MAGI2: variants seen among roughly 807,000 people sequenced by gnomAD.
MAGI2 encodes membrane-associated guanylate kinase, WW and PDZ domain-containing protein 2.
MAGI2 carries 35 observed loss-of-function variants against 133.3 expected under a neutral mutation model. The ratio of observed to expected loss-of-function variants is 0.26; its 90% confidence interval spans 0.20 to 0.35. The LOEUF (loss-of-function observed/expected upper bound fraction) is 0.35, where lower values mean the gene tolerates loss of function less well. Among genes scored for constraint, MAGI2 ranks in the 10% least tolerant of loss-of-function variants. MAGI2 has a pLI of 1.00. For synonymous variants in MAGI2, 729 were observed against 710.6 expected (o/e 1.03, Z -0.41); for missense variants, 1,636 against 1,863.4 (o/e 0.88, Z 2.25).
rs556371091 is a variant in MAGI2 at position 78,109,124 on chromosome 7, G to A, written c.3567+16570C>T. 3.3e-5 allele frequency among the ~76,000 whole-genome samples: 5 copies of A among 150,730 alleles called. No individual in the cohort carries two copies. The South Asian group carries it at 8.4e-4, about 25-fold the overall frequency. On this transcript the variant is annotated intron_variant, in intron 20 of 21. Transcript: ENST00000354212. ...TTGAGACCATCCTGGCTAACACAGC[G>A]AAACCCCATCTCTACTAAAAATACA...
chr7:79,054,154 C>G (rs960223610), intron 1 of MAGI2, among the ~76,000 whole-genome samples: 1 of 152,110 alleles, frequency 6.6e-6, no homozygotes, highest in African/African-American at 2.4e-5. Flanking sequence ...CAAGATTGGA[C>G]CACTCCACTC....
At chr7:78,655,543 T>C (rs1258534697) in intron 2 of MAGI2, among the ~76,000 whole-genome samples, 1 of 142,142 alleles carries the variant, frequency 7.0e-6, no homozygotes, top group Non-Finnish European at 1.5e-5. Context: ...AGCCAGGAAA[T>C]GTCTCTCATA....
intron 6 of MAGI2, among the ~76,000 whole-genome samples, chr7:78,374,921 C>T (rs372133957): frequency 2.6e-5 from 4 of 152,104 alleles, no homozygotes; most frequent in African/African-American, 9.6e-5. Flanking sequence ...CTCACTGCAA[C>T]CTTTACCTCC....
At chr7:78,672,264 A>T (rs751950613) in intron 2 of MAGI2, among the ~76,000 whole-genome samples, 5 of 151,366 alleles carry the variant, frequency 3.3e-5, no homozygotes, top group African/African-American at 9.7e-5. Context: ...AGAGGCTGGG[A>T]CCTCCCCCCT....
chr7:78,342,208 T>C (rs1562856179), intron 9 of MAGI2, among the ~76,000 whole-genome samples: 1 of 151,996 alleles, frequency 6.6e-6, no homozygotes, highest in African/African-American at 2.4e-5. Context: ...AAAAAAAGGC[T>C]CATCATCACT....
chr7:78,313,308 G>T (rs1798876854), intron 9 of MAGI2, among the ~76,000 whole-genome samples: 1 of 152,040 alleles, frequency 6.6e-6, no homozygotes, highest in East Asian at 1.9e-4. Flanking sequence ...ATATATCTAT[G>T]TAACAAAATT....
intron 2 of MAGI2, among the ~76,000 whole-genome samples, chr7:78,630,753 TCATTTC>T (rs1808901309): frequency 6.6e-6 from 1 of 152,198 alleles, no homozygotes; most frequent in African/African-American, 2.4e-5. Flanking sequence ...TAATATGTTT[TCATTTC>T]CATTTTCCAT....
chr7:78,607,498 TAA>T (rs11318579), intron 3 of MAGI2, among the ~76,000 whole-genome samples: 2,563 of 139,464 alleles, frequency 0.018, 33 homozygotes, highest in Non-Finnish European at 0.025. Flanking sequence ...AAGTCAAACT[TAA>T]AAAAAAAAAA....
chr7:78,654,025 C>G (rs572519709), intron 2 of MAGI2, among the ~76,000 whole-genome samples: 3 of 152,058 alleles, frequency 2.0e-5, no homozygotes, highest in Admixed American at 2.0e-4. Flanking sequence ...GCTGGGAAGG[C>G]AAAATAATAG....
chr7:78,692,345 C>T (rs958053325), intron 2 of MAGI2, among the ~76,000 whole-genome samples: 2 of 152,264 alleles, frequency 1.3e-5, no homozygotes, highest in East Asian at 1.9e-4. Context: ...CCTGTGTCCA[C>T]GGCTTCCCTC....
rs994211624 is a variant in MAGI2 at position 79,315,340 on chromosome 7, T to A, written c.301+137680A>T. Among the ~76,000 whole-genome samples, 36 of 91,634 alleles carry A rather than the reference T, an allele frequency of 3.9e-4. No individual in the cohort carries two copies. In the East Asian group the frequency reaches 5.1e-3, roughly 13 times the overall value. The allele number at this position is 91,634 out of a possible 152,430, so 60.1% of individuals were successfully genotyped here. A position where few individuals can be genotyped will look rare whatever the true frequency, so the allele number is the denominator to read the frequency against. On this transcript the variant is annotated intron_variant, in intron 1 of 21. Coordinates refer to ENST00000354212, the MANE Select transcript of MAGI2 (RefSeq NM_012301.4). ...TGCCCAGTTAATTTTTTTTTTTTTT[T>A]TTTTTTGTATTTTTAGTAGAGACGG...
chr7:78,695,685 C>T lies in MAGI2; in HGVS notation c.419-68446G>A, dbSNP rs536152593. 3.2e-4 allele frequency among the ~76,000 whole-genome samples: 48 copies of T among 152,160 alleles called. 1 individual carries two copies. Among genetic ancestry groups the T allele is most frequent in the African/African-American group, 9.4e-4 (39 of 41,518 alleles). The stretch of plus-strand genomic sequence containing the variant: ...TAAAAAAGACAAACAAACAAAAAAC[C>T]CATATGGTCATCTAAGAAAAGGAGG... On this transcript the variant is annotated intron_variant, in intron 2 of 21. Coordinates refer to ENST00000354212, the MANE Select transcript of MAGI2 (RefSeq NM_012301.4).
At chr7:78,287,468 T>C (rs1274547065) in intron 9 of MAGI2, among the ~76,000 whole-genome samples, 1 of 152,070 alleles carries the variant, frequency 6.6e-6, no homozygotes, top group Non-Finnish European at 1.5e-5. Flanking sequence ...ATGTAGACAA[T>C]GAAGGAGGTG....
chr7:78,537,965 T>C (rs1045440142), intron 3 of MAGI2, among the ~76,000 whole-genome samples: 1 of 152,198 alleles, frequency 6.6e-6, no homozygotes, highest in Non-Finnish European at 1.5e-5. Context: ...AGAATTTTTA[T>C]GGTTTGAGGT....
At chr7:78,468,282 C>T (rs1323467779) in intron 6 of MAGI2, among the ~76,000 whole-genome samples, 1 of 152,066 alleles carries the variant, frequency 6.6e-6, no homozygotes, top group East Asian at 1.9e-4. Context: ...CCTTGACTAT[C>T]ACTTTTCTTT....
chr7:79,421,100 T>A lies in MAGI2; in HGVS notation c.301+31920A>T, dbSNP rs1846925657. Among the ~76,000 whole-genome samples the A allele has an allele frequency of 3.9e-5, 6 of 152,108 alleles. No individual in the cohort carries two copies. The South Asian group carries it at 1.2e-3, about 31-fold the overall frequency. The stretch of plus-strand genomic sequence containing the variant: ...AACAAAAATATTCCTTTGGGTACCG[T>A]GGACTGTGTTAGCACTTTGAGAAAT... On this transcript the variant is annotated intron_variant, in intron 1 of 21. Transcript: ENST00000354212.
intron 4 of MAGI2, among the ~76,000 whole-genome samples, chr7:78,511,017 T>C (rs1795515099): frequency 6.6e-6 from 1 of 152,162 alleles, no homozygotes; most frequent in Admixed American, 6.5e-5. Context: ...GATTTCTCCA[T>C]GCTTTTGTGC....
rs545794265 is a variant in MAGI2, at chr7:78,311,955, G to A, written c.1408+31823C>T. ...CTGGCTAATTTTTGTATTTTTAGTA[G>A]AGACGGGGTTTCACCATGTTGGCCA... On this transcript the variant is annotated intron_variant, in intron 9 of 21. Coordinates refer to ENST00000354212, the MANE Select transcript of MAGI2 (RefSeq NM_012301.4). 1.9e-3 allele frequency among the ~76,000 whole-genome samples: 282 copies of A among 152,082 alleles called. 2 individuals carry two copies. The highest frequency in any genetic ancestry group is 6.1e-3 in the African/African-American group (255 of 41,494).
chr7:79,326,514 G>C (rs944016092), intron 1 of MAGI2, among the ~76,000 whole-genome samples: 1 of 152,086 alleles, frequency 6.6e-6, no homozygotes, highest in Non-Finnish European at 1.5e-5. Flanking sequence ...GTGCTATCTT[G>C]TAAGGGAAGA....
Sources: gnomAD v4.1 joint callset for allele counts (sites outside exome capture counted in the v4.1 genomes callset) on GRCh38, gnomAD v4.1.1 for gene constraint, MANE v1.5 for transcripts, NCBI Gene and HGNC (gene_info 2026-07-23, HGNC 2026-07-21) for gene names.